SRGAP3: variants seen among roughly 807,000 people sequenced by gnomAD.
SRGAP3 encodes SLIT-ROBO Rho GTPase activating protein 3.
Under a neutral mutation model 121.1 loss-of-function variants are expected in SRGAP3, and 39 were observed. The ratio of observed to expected loss-of-function variants is 0.32; its 90% CI spans 0.25 to 0.42. The LOEUF is 0.42. Ranked by LOEUF, SRGAP3 falls within the 10% of genes least tolerant of loss-of-function variation. The pLI, the probability that SRGAP3 is intolerant of heterozygous loss-of-function variation, is 1.00. For synonymous variants in SRGAP3, 601 were observed against 570.0 expected (o/e 1.05, Z -0.77); for missense variants, 1,213 against 1,470.6 (o/e 0.82, Z 2.86).
At position 9,347,777 on chromosome 3, in the gene SRGAP3, T is replaced by C. The variant is rs1055548042; in HGVS notation, n.214+15063A>G. Among the ~76,000 whole-genome samples, 7 of 152,190 alleles carry C rather than the reference T, an allele frequency of 4.6e-5. No individual in the cohort carries two copies. The East Asian group carries it at 1.3e-3, about 29-fold the overall frequency. On this transcript the variant is annotated intron_variant and non_coding_transcript_variant, in intron 1 of 3. Transcript: ENST00000490889. ...GGGATTTACCTTGACAAACAAAGCT[T>C]ACAAAAGGATGTGGAAATCTGATTT... is the stretch of plus-strand genomic sequence containing the variant.
At chr3:9,028,838 C>A (rs1944339196) in intron 12 of SRGAP3, among the ~76,000 whole-genome samples, 1 of 152,190 alleles carries the variant, frequency 6.6e-6, no homozygotes, top group Non-Finnish European at 1.5e-5. Flanking sequence ...TGAGGAAGGC[C>A]TGGAGGAGAA....
At chr3:9,072,952 C>T (rs963707504) in intron 4 of SRGAP3, among the ~76,000 whole-genome samples, 2 of 152,206 alleles carry the variant, frequency 1.3e-5, no homozygotes, top group Non-Finnish European at 2.9e-5. Context: ...GAGGAAAAAA[C>T]AGTCGTGCCC....
At position 9,239,594 on chromosome 3, in the gene SRGAP3, A is replaced by G. The variant is rs1356033927; in HGVS notation, c.67+9291T>C. On this transcript the variant is annotated intron_variant, in intron 1 of 21. Transcript: ENST00000383836. The surrounding 1 kb of genome is among the most constrained non-coding windows in gnomAD (Gnocchi z 4.0). ...CAGGTCCATTCAAGGAACCTGGAAC[A>G]CTCTGCTGCAGCAGTGTGCACCCCA... Among the ~76,000 whole-genome samples, 3 of 152,144 alleles carry G rather than the reference A, an allele frequency of 2.0e-5. No homozygotes were observed. The highest frequency in any genetic ancestry group is 7.2e-5 in the African/African-American group (3 of 41,414).
chr3:9,152,690 C>G (rs151028939), intron 1 of SRGAP3, among the ~76,000 whole-genome samples: 27 of 152,298 alleles, frequency 1.8e-4, no homozygotes, highest in African/African-American at 6.3e-4. Context: ...GTTCTCAGTC[C>G]CTGGACATTG....
intron 3 of SRGAP3, among the ~76,000 whole-genome samples, chr3:9,280,240 C>A (rs1480373936): frequency 6.6e-6 from 1 of 152,230 alleles, no homozygotes; most frequent in Admixed American, 6.5e-5. Context: ...CGATTCAGAG[C>A]CTGTGAACCA....
intron 10 of SRGAP3, among the ~76,000 whole-genome samples, chr3:9,046,572 T>C (rs566002657): frequency 6.6e-6 from 1 of 152,244 alleles, no homozygotes; most frequent in East Asian, 1.9e-4. Context: ...ATGCATTGAG[T>C]GGCTTTAAGC....
chr3:9,141,569 TG>T (rs1949852012), intron 1 of SRGAP3, among the ~76,000 whole-genome samples: 1 of 150,272 alleles, frequency 6.7e-6, no homozygotes, highest in Non-Finnish European at 1.5e-5. Flanking sequence ...TGTGTGTGTG[TG>T]TGTGTGTGTG....
At chr3:9,122,435 C>G (rs1164327001) in intron 2 of SRGAP3, among the ~76,000 whole-genome samples, 1 of 152,070 alleles carries the variant, frequency 6.6e-6, no homozygotes, top group South Asian at 2.1e-4. Context: ...GGTGGCTGGG[C>G]GCGGTGGCTC....
At chr3:9,268,761 C>T (rs1465892489) in intron 3 of SRGAP3, among the ~76,000 whole-genome samples, 3 of 152,124 alleles carry the variant, frequency 2.0e-5, no homozygotes, top group African/African-American at 4.8e-5. Context: ...ATACATCACA[C>T]GACCCGTAAG....
intron 3 of SRGAP3, among the ~76,000 whole-genome samples, chr3:9,093,396 C>A (rs1947834374): frequency 6.6e-6 from 1 of 152,104 alleles, no homozygotes; most frequent in African/African-American, 2.4e-5. Flanking sequence ...CATATACTCA[C>A]CCACCCATCC....
At chr3:9,002,509 C>A (rs1942829398) in intron 18 of SRGAP3, among the ~76,000 whole-genome samples, 1 of 152,032 alleles carries the variant, frequency 6.6e-6, no homozygotes, top group Non-Finnish European at 1.5e-5. Flanking sequence ...AAATCAATAA[C>A]CTAAACTTCC....
chr3:9,053,339 G>A, intron 8 of SRGAP3, 115 bp from the exon 9 acceptor site: 1 of 1,065,838 alleles, frequency 9.4e-7, no homozygotes, highest in Non-Finnish European at 1.4e-6. Flanking sequence ...CTAGGATATA[G>A]GCAGAACAAA....
chr3:9,173,416 G>T (rs1951059499), intron 1 of SRGAP3, among the ~76,000 whole-genome samples: 1 of 152,168 alleles, frequency 6.6e-6, no homozygotes, highest in Admixed American at 6.5e-5. Flanking sequence ...ACTAAGATAT[G>T]AAAAGAAGGC....
chr3:8,996,659 T>C (rs1352506315), intron 18 of SRGAP3, among the ~76,000 whole-genome samples: 2 of 152,130 alleles, frequency 1.3e-5, no homozygotes, highest in Non-Finnish European at 2.9e-5. Flanking sequence ...CAAACAGAGA[T>C]CTTGGTCCCT....
intron 4 of SRGAP3, among the ~76,000 whole-genome samples, chr3:9,079,292 C>T (rs1452285915): frequency 2.6e-5 from 4 of 152,178 alleles, no homozygotes; most frequent in Non-Finnish European, 5.9e-5. Context: ...GGTCTACCCA[C>T]CCCACTCCCC....
intron 3 of SRGAP3, among the ~76,000 whole-genome samples, chr3:9,082,964 C>T (rs926396964): frequency 6.6e-6 from 1 of 152,212 alleles, no homozygotes; most frequent in Non-Finnish European, 1.5e-5. Flanking sequence ...GACCTATTTA[C>T]ACCTCCCTCC....
chr3:9,335,420 A>G (rs780152414), intron 1 of SRGAP3, among the ~76,000 whole-genome samples: 1 of 152,226 alleles, frequency 6.6e-6, no homozygotes, highest in Non-Finnish European at 1.5e-5. Context: ...AAACATATCT[A>G]TGGACTAGGA....
At chr3:8,998,070 C>T (rs139508731) in intron 18 of SRGAP3, among the ~76,000 whole-genome samples, 74 of 152,084 alleles carry the variant, frequency 4.9e-4, no homozygotes, top group South Asian at 4.2e-3. Flanking sequence ...TTTGTAGCAA[C>T]GGGGGTCTCA....
chr3:9,288,470 T>G (rs1489918663), intron 3 of SRGAP3, among the ~76,000 whole-genome samples: 1 of 152,034 alleles, frequency 6.6e-6, no homozygotes, highest in African/African-American at 2.4e-5. Flanking sequence ...CTCTAGATAT[T>G]GTTCCAGAAC....
Sources: allele counts gnomAD v4.1 joint callset (sites outside exome capture counted in the v4.1 genomes callset), GRCh38; gene constraint gnomAD v4.1.1; non-coding constraint Gnocchi (gnomAD v3.1); transcripts MANE v1.5; gene names NCBI Gene and HGNC (gene_info 2026-07-23, HGNC 2026-07-21).